The following DLG2 variants were observed in gnomAD, a reference collection of about 807,000 sequenced individuals.
The protein encoded by DLG2 is discs large MAGUK scaffold protein 2.
DLG2 carries 45 observed loss-of-function variants against 132.5 expected under a neutral mutation model. That is an observed-to-expected ratio of 0.34 (90% CI 0.27 to 0.44). The LOEUF (loss-of-function observed/expected upper bound fraction) is 0.44, where lower values mean the gene tolerates loss of function less well. Among genes scored for constraint, DLG2 ranks in the 20% least tolerant of loss-of-function variants. The probability of loss-of-function intolerance (pLI) is 1.00; values close to 1 mark genes in which losing one functional copy is unlikely to be tolerated. For missense variants in DLG2, 1,045 were observed against 1,196.9 expected (o/e 0.87, Z 1.87); for synonymous variants, 424 against 419.6 (o/e 1.01, Z -0.13).
Position 83,760,865 on chromosome 11 carries a change from T to G in DLG2, c.1825+25825A>C, listed in dbSNP as rs114552256. The stretch of plus-strand genomic sequence containing the variant: ...TTGTTTCTCTAGTCTTGCCCTACCT[T>G]TCTGCCTACATCAAGTACATCATGG... On this transcript the variant is annotated intron_variant, in intron 18 of 27. Coordinates refer to ENST00000376104, the MANE Select transcript of DLG2 (RefSeq NM_001142699.3). Among the ~76,000 whole-genome samples, 258 of 152,318 alleles carry G rather than the reference T, an allele frequency of 1.7e-3. 1 individual carries two copies. The highest frequency in any genetic ancestry group is 5.9e-3 in the African/African-American group (244 of 41,576).
At chr11:83,867,301 A>C (rs756009104) in intron 16 of DLG2, among the ~76,000 whole-genome samples, 24 of 152,286 alleles carry the variant, frequency 1.6e-4, no homozygotes, top group Admixed American at 2.6e-4. Flanking sequence ...AAGGTACCTA[A>C]ATTGTTATTA....
At chr11:84,151,581 G>T (rs1202705100) in intron 9 of DLG2, among the ~76,000 whole-genome samples, 1 of 151,922 alleles carries the variant, frequency 6.6e-6, no homozygotes, top group Non-Finnish European at 1.5e-5. Context: ...CTTTTCTTCT[G>T]CTAGCTTTGA....
chr11:84,710,414 A>C (rs1255543231), intron 6 of DLG2, among the ~76,000 whole-genome samples: 1 of 152,000 alleles, frequency 6.6e-6, no homozygotes, highest in Non-Finnish European at 1.5e-5. Context: ...GATTTTCACC[A>C]AACCATAATG....
chr11:84,241,661 T>G (rs976305129), intron 8 of DLG2, among the ~76,000 whole-genome samples: 2 of 152,186 alleles, frequency 1.3e-5, no homozygotes, highest in Non-Finnish European at 2.9e-5. Flanking sequence ...GTCTGATCAT[T>G]GTGCCTTAGA....
intron 6 of DLG2, among the ~76,000 whole-genome samples, chr11:84,931,323 T>C (rs2048060193): frequency 6.6e-6 from 1 of 152,136 alleles, no homozygotes; most frequent in Non-Finnish European, 1.5e-5. Context: ...CTTTATTTTC[T>C]GATATATGAA....
Position 85,338,517 on chromosome 11 carries a change from T to A in DLG2, c.41-53152A>T, listed in dbSNP as rs77344383. 5.3e-3 allele frequency among the ~76,000 whole-genome samples: 810 copies of A among 152,220 alleles called. 7 individuals are homozygous for A. Among genetic ancestry groups the A allele is most frequent in the African/African-American group, 0.018 (760 of 41,536 alleles). On this transcript the variant is annotated intron_variant, in intron 3 of 27. Coordinates refer to ENST00000376104, the MANE Select transcript of DLG2 (RefSeq NM_001142699.3). ...TATTCCTTTGTGGGTTCAATCTATA[T>A]CCTGGTTAGTGTTGTTTAGTTTGGT...
At chr11:85,203,668 A>T (rs775405702) in intron 4 of DLG2, among the ~76,000 whole-genome samples, 3 of 152,138 alleles carry the variant, frequency 2.0e-5, no homozygotes, top group African/African-American at 4.8e-5. Context: ...TTGAAAAGAA[A>T]ATACTTCCAA....
chr11:85,037,492 G>A (rs1452325889), intron 6 of DLG2, among the ~76,000 whole-genome samples: 1 of 152,134 alleles, frequency 6.6e-6, no homozygotes, highest in Admixed American at 6.6e-5. Context: ...TTTCAGAAAA[G>A]ATATATAAAT....
At chr11:83,987,055 T>G (rs2154179493) in intron 11 of DLG2, among the ~76,000 whole-genome samples, 1 of 152,266 alleles carries the variant, frequency 6.6e-6, no homozygotes, top group African/African-American at 2.4e-5. Context: ...GCAGAAGCTC[T>G]TTAGTTTAAT....
intron 18 of DLG2, among the ~76,000 whole-genome samples, chr11:83,693,321 T>A (rs1566564574): frequency 6.6e-6 from 1 of 152,154 alleles, no homozygotes; most frequent in Non-Finnish European, 1.5e-5. Flanking sequence ...GAATAGTCAC[T>A]GGACAGTTTG....
At chr11:85,129,381 T>C (rs1043194068) in intron 5 of DLG2, among the ~76,000 whole-genome samples, 1 of 152,180 alleles carries the variant, frequency 6.6e-6, no homozygotes, top group African/African-American at 2.4e-5. Context: ...TTAAATGGGG[T>C]AAGATCTAAG....
chr11:84,244,274 C>T (rs1320292826), intron 8 of DLG2, among the ~76,000 whole-genome samples: 1 of 152,062 alleles, frequency 6.6e-6, no homozygotes, highest in Admixed American at 6.6e-5. Flanking sequence ...ACCTCCGCCT[C>T]CCGGGTTCAA....
intron 6 of DLG2, among the ~76,000 whole-genome samples, chr11:84,637,921 A>G (rs2099643561): frequency 6.6e-6 from 1 of 152,234 alleles, no homozygotes; most frequent in Non-Finnish European, 1.5e-5. Flanking sequence ...AACATTTACA[A>G]CATGCCAATA....
chr11:84,837,148 G>T (rs1238130146), intron 6 of DLG2, among the ~76,000 whole-genome samples: 1 of 151,660 alleles, frequency 6.6e-6, no homozygotes, highest in Non-Finnish European at 1.5e-5. Flanking sequence ...GACTGTATTA[G>T]CTATATACAT....
At chr11:85,275,878 A>C (rs1334305079) in intron 4 of DLG2, among the ~76,000 whole-genome samples, 1 of 152,078 alleles carries the variant, frequency 6.6e-6, no homozygotes, top group African/African-American at 2.4e-5. Flanking sequence ...CAATAACTAT[A>C]ACACAATGTA....
At chr11:85,408,269 C>T (rs1203833821) in intron 3 of DLG2, among the ~76,000 whole-genome samples, 1 of 149,340 alleles carries the variant, frequency 6.7e-6, no homozygotes, top group Non-Finnish European at 1.5e-5. Flanking sequence ...GCTGTGTAAC[C>T]GTCAGAAAAT....
intron 6 of DLG2, among the ~76,000 whole-genome samples, chr11:84,846,290 G>C (rs556910975): frequency 1.4e-4 from 22 of 152,070 alleles, no homozygotes; most frequent in African/African-American, 4.8e-4. Context: ...GTCCAAAACA[G>C]AACTATAGGT....
At chr11:83,712,818 CAG>C (rs2085767259) in intron 18 of DLG2, among the ~76,000 whole-genome samples, 1 of 151,836 alleles carries the variant, frequency 6.6e-6, no homozygotes, top group Non-Finnish European at 1.5e-5. Context: ...TCAGTGGGGA[CAG>C]GGGCACGGAG....
chr11:84,088,504 C>A (rs549047276), intron 10 of DLG2, among the ~76,000 whole-genome samples: 9 of 152,258 alleles, frequency 5.9e-5, no homozygotes, highest in African/African-American at 1.7e-4. Context: ...ACTCCAGCTG[C>A]GAAAGACTAC....
Sources: allele counts gnomAD v4.1 joint callset (sites outside exome capture counted in the v4.1 genomes callset), GRCh38; gene constraint gnomAD v4.1.1; transcripts MANE v1.5; gene names NCBI Gene and HGNC (gene_info 2026-07-23, HGNC 2026-07-21).